GRM1: variants seen among roughly 807,000 people sequenced by gnomAD.
GRM1 encodes glutamate metabotropic receptor 1.
Under a neutral mutation model 90.9 loss-of-function variants are expected in GRM1, and 33 were observed. That is an observed-to-expected ratio of 0.36 (90% confidence interval 0.28 to 0.49). GRM1 has a LOEUF of 0.49. Ranked by LOEUF, GRM1 falls within the 20% of genes least tolerant of loss-of-function variation. The pLI is 0.99. For synonymous variants in GRM1, 700 were observed against 613.2 expected, an observed-to-expected ratio of 1.14 and a Z score of -2.09; for missense variants, 1,190 against 1,534.3, an observed-to-expected ratio of 0.78 and a Z score of 3.75.
chr6:146,202,332 A>G (rs944337658), intron 2 of GRM1, among the ~76,000 whole-genome samples: 16 of 152,174 alleles, frequency 1.1e-4, no homozygotes, highest in Non-Finnish European at 2.1e-4. Context: ...TACTCTAATT[A>G]GCAGTGGGAT....
chr6:146,287,532 T>A (rs939448175), intron 2 of GRM1, among the ~76,000 whole-genome samples: 3 of 152,296 alleles, frequency 2.0e-5, no homozygotes, highest in Non-Finnish European at 4.4e-5. Flanking sequence ...AAGCTATCTC[T>A]AAAAGAGATT....
intron 1 of GRM1, among the ~76,000 whole-genome samples, chr6:146,155,686 G>A (rs1777502448): frequency 6.6e-6 from 1 of 152,164 alleles, no homozygotes; most frequent in Non-Finnish European, 1.5e-5. Context: ...GAAATAGCAT[G>A]CATGAGTTTG....
At chr6:146,174,190 T>C (rs1428335586) in intron 2 of GRM1, among the ~76,000 whole-genome samples, 2 of 151,816 alleles carry the variant, frequency 1.3e-5, no homozygotes, top group Non-Finnish European at 2.9e-5. Context: ...TTCCTAGTGT[T>C]AAATTTTCCC....
At position 146,260,804 on chromosome 6, in the gene GRM1, GTTTTTTTTTTTTTTTTT is replaced by G. The variant is rs56956724; in HGVS notation, c.951-43790_951-43774del. 1.8e-4 allele frequency among the ~76,000 whole-genome samples: 4 copies of G among 22,714 alleles called. No homozygotes were observed. In the Admixed American group the frequency reaches 2.0e-3, roughly 11 times the overall value. The allele number at this position is 22,714 out of a possible 152,430, so 14.9% of individuals were successfully genotyped here. A position where few individuals can be genotyped will look rare whatever the true frequency, so the allele number is the denominator to read the frequency against. ...CCCATTTTTTAATTAGGTTATTTGG[GTTTTTTTTTTTTTTTTT>G]TTTTTTTTTTTTTTTTGCAATTGAG... On this transcript the variant is annotated intron_variant, in intron 2 of 7. Coordinates refer to ENST00000282753, the MANE Select transcript of GRM1 (RefSeq NM_001278064.2).
At chr6:146,083,286 A>T (rs1247217814) in intron 1 of GRM1, among the ~76,000 whole-genome samples, 1 of 152,142 alleles carries the variant, frequency 6.6e-6, no homozygotes, top group African/African-American at 2.4e-5. Flanking sequence ...AGGAGTGGTG[A>T]GAGAGAGCAT....
intron 2 of GRM1, among the ~76,000 whole-genome samples, chr6:146,249,880 A>G (rs1311686463): frequency 1.3e-5 from 2 of 152,194 alleles, no homozygotes; most frequent in African/African-American, 4.8e-5. Flanking sequence ...ACAGGGGTGG[A>G]ACATCCCAAG....
intron 2 of GRM1, among the ~76,000 whole-genome samples, chr6:146,232,543 C>T (rs1374740101): frequency 6.6e-6 from 1 of 151,986 alleles, no homozygotes; most frequent in African/African-American, 2.4e-5. Context: ...TCCAATTATG[C>T]TCTTTTAGTT....
chr6:146,030,705 C>T (rs1434613497), intron 1 of GRM1, among the ~76,000 whole-genome samples: 1 of 152,182 alleles, frequency 6.6e-6, no homozygotes, highest in African/African-American at 2.4e-5. Context: ...TCTTGTACCC[C>T]TTCTTACATA....
At chr6:146,202,541 G>C (rs1279913241) in intron 2 of GRM1, among the ~76,000 whole-genome samples, 1 of 152,174 alleles carries the variant, frequency 6.6e-6, no homozygotes, top group Non-Finnish European at 1.5e-5. Context: ...TTCTTAACAC[G>C]ATGGAGGTTT....
At chr6:146,416,285 A>AT (rs966807097) in intron 7 of GRM1, among the ~76,000 whole-genome samples, 1 of 151,378 alleles carries the variant, frequency 6.6e-6, no homozygotes, top group African/African-American at 2.4e-5. Flanking sequence ...GTTCCATTTT[A>AT]TTTTTTTTCC....
intron 2 of GRM1, among the ~76,000 whole-genome samples, chr6:146,275,371 A>C (rs1158914937): frequency 1.3e-5 from 2 of 152,118 alleles, no homozygotes; most frequent in Non-Finnish European, 2.9e-5. Flanking sequence ...AGGCGTGTAC[A>C]TGGGACAGTT....
intron 1 of GRM1, among the ~76,000 whole-genome samples, chr6:146,101,809 C>G (rs897586188): frequency 6.7e-6 from 1 of 148,356 alleles, no homozygotes; most frequent in East Asian, 1.9e-4. Context: ...AATAATAACA[C>G]TATAATTATA....
At chr6:146,219,474 G>A (rs894368250) in intron 2 of GRM1, among the ~76,000 whole-genome samples, 3 of 151,876 alleles carry the variant, frequency 2.0e-5, no homozygotes, top group South Asian at 2.1e-4. Context: ...CCAGAACGGC[G>A]GTTTTGAAAG....
intron 2 of GRM1, among the ~76,000 whole-genome samples, chr6:146,196,876 T>C (rs1779142217): frequency 1.3e-5 from 2 of 152,142 alleles, no homozygotes; most frequent in African/African-American, 4.8e-5. Flanking sequence ...TTGTTAAGAA[T>C]CGATACAAAG....
chr6:146,431,868 A>G (rs1215145749), intron 7 of GRM1, among the ~76,000 whole-genome samples: 1 of 152,228 alleles, frequency 6.6e-6, no homozygotes, highest in South Asian at 2.1e-4. Flanking sequence ...CATAAAAAAA[A>G]CAAAGTGTGT....
intron 1 of GRM1, among the ~76,000 whole-genome samples, chr6:146,066,297 C>T (rs1775845541): frequency 6.6e-6 from 1 of 152,126 alleles, no homozygotes; most frequent in Non-Finnish European, 1.5e-5. Context: ...TTTTAGCTCC[C>T]ATTTATAAGT....
chr6:146,189,150 T>A (rs1778846108), intron 2 of GRM1, among the ~76,000 whole-genome samples: 1 of 152,212 alleles, frequency 6.6e-6, no homozygotes, highest in South Asian at 2.1e-4. Flanking sequence ...TCTTAATTGT[T>A]GATTTTTTCC....
At chr6:146,212,993 A>C (rs1168205540) in intron 2 of GRM1, among the ~76,000 whole-genome samples, 1 of 152,000 alleles carries the variant, frequency 6.6e-6, no homozygotes. Flanking sequence ...AAGGCAAAGG[A>C]AACAGCCTTA....
intron 7 of GRM1, among the ~76,000 whole-genome samples, chr6:146,422,414 T>C (rs1212267957): frequency 1.3e-5 from 2 of 152,228 alleles, no homozygotes; most frequent in Non-Finnish European, 2.9e-5. Flanking sequence ...CACACTGATA[T>C]TTTAAATGTC....
Sources: gnomAD v4.1 joint callset for allele counts (sites outside exome capture counted in the v4.1 genomes callset) on GRCh38, gnomAD v4.1.1 for gene constraint, MANE v1.5 for transcripts, NCBI Gene and HGNC (gene_info 2026-07-23, HGNC 2026-07-21) for gene names.